The following INTS3 variants were observed in gnomAD, a reference collection of about 807,000 sequenced individuals.
The protein encoded by INTS3 is SOSS complex subunit A.
A neutral mutation model predicts 146.3 loss-of-function variants in INTS3; 34 were observed. The ratio of observed to expected loss-of-function variants is 0.23; its 90% CI spans 0.18 to 0.31. The LOEUF (loss-of-function observed/expected upper bound fraction) is 0.31, where lower values mean the gene tolerates loss of function less well. INTS3 is among the 10% of genes least tolerant of loss of function. The pLI is 1.00. For missense variants in INTS3, 757 were observed against 1,304.2 expected, an observed-to-expected ratio of 0.58 and a Z score of 6.46; for synonymous variants, 475 against 494.9, an observed-to-expected ratio of 0.96 and a Z score of 0.53.
At chr1:153,760,263 G>GAGAGAGACT (rs763647694) in intron 11 of INTS3, 48 bp from the exon 12 acceptor site, 1 of 777,610 alleles carries the variant, frequency 1.3e-6, no homozygotes. Context: ...AAAAAAGAGA[G>GAGAGAGACT]AGAGAGACTG....
At chr1:153,760,954 C>T (rs963347031) in intron 13 of INTS3, 36 bp downstream of exon 13, 143 of 1,595,874 alleles carry the variant, frequency 9.0e-5, no homozygotes, top group Non-Finnish European at 1.2e-4. Context: ...GTTGTTTTCC[C>T]ATTTTTCATT....
chr1:153,743,811 T>G (rs1215025262), intron 3 of INTS3, among the ~76,000 whole-genome samples: 2 of 152,088 alleles, frequency 1.3e-5, no homozygotes, highest in Non-Finnish European at 2.9e-5. Context: ...GGGTCTAATG[T>G]CAAGGTCTGT....
intron 8 of INTS3, among the ~76,000 whole-genome samples, chr1:153,754,125 G>A (rs927277294): frequency 4.6e-5 from 7 of 152,026 alleles, no homozygotes; most frequent in African/African-American, 1.7e-4. Flanking sequence ...GTTCTCTCAT[G>A]TCAGGCAGGT....
chr1:153,770,616 A>G, intron 24 of INTS3, 69 bp from the exon 25 acceptor site: 1 of 1,321,580 alleles, frequency 7.6e-7, no homozygotes, highest in South Asian at 1.2e-5. Context: ...TTGGGGGATG[A>G]GAGAGGTCCC....
intron 11 of INTS3, 43 bp downstream of exon 11, chr1:153,759,656 A>AAG (rs775259872): frequency 5.6e-6 from 7 of 1,248,520 alleles, no homozygotes; most frequent in Non-Finnish European, 8.3e-6. Context: ...CCATCCCCCT[A>AAG]AGCCCCCACT....
At position 153,754,665 on chromosome 1, in the gene INTS3, A is replaced by G; in HGVS notation, c.883A>G (p.Arg295Gly). 1 of 1,612,848 alleles carries G rather than the reference A, an allele frequency of 6.2e-7. No individual in the cohort carries two copies. Among genetic ancestry groups the G allele is most frequent in the Non-Finnish European group, 8.5e-7 (1 of 1,178,804 alleles). ...FTGILQLLQS[R>G]TSRKFLACRL... ...AGGTATCCTACAGCTTCTTCAGTCA[A>G]GAACATCCCGAAAATTCCTAGCATG... The change falls in exon 9 of 30, where the codon AGA (arginine) becomes GGA (glycine). Residue 295 changes from arginine (R) to glycine (G), a missense_variant. This residue lies in a region of INTS3 where 134 missense variants were observed against 243.1 expected (regional missense o/e 0.55). Coordinates refer to ENST00000318967, the MANE Select transcript of INTS3 (RefSeq NM_023015.5).
rs1672094440 is a variant in INTS3 at position 153,754,636 on chromosome 1, A to T, written c.860-6A>T. 1 of 1,591,220 alleles carries T rather than the reference A, an allele frequency of 6.3e-7. No individual in the cohort carries two copies. The highest frequency in any genetic ancestry group is 1.7e-5 in the Admixed American group (1 of 59,952). On this transcript the variant is annotated splice_polypyrimidine_tract_variant and splice_region_variant and intron_variant, in intron 8 of 29. Coordinates refer to ENST00000318967, the MANE Select transcript of INTS3 (RefSeq NM_023015.5). ...TCTTTTCTCTTCCCTTCCACATTTG[A>T]TTCAGGTATCCTACAGCTTCTTCAG...
At position 153,772,654 on chromosome 1, in the gene INTS3, C is replaced by T; in HGVS notation, c.2837C>T (p.Pro946Leu). ...CTTCCTCTAGTTTTTAGCCAGACGC[C>T]AATTCTCCAGGCGCTGCAGCATGTC... is the stretch of plus-strand genomic sequence containing the variant. ...NTKQNFFSQTPILQALQHVQA... is the reference protein window; with the variant it reads ...NTKQNFFSQTLILQALQHVQA... Residue 946 changes from proline (P) to leucine (L), a missense_variant, in exon 28 of 30, where the codon CCA becomes CTA. Physicochemically the swap from Pro to Leu is moderately conservative, Grantham distance 98. Around this residue, in one of 8 missense-constraint regions of INTS3, gnomAD observed 125 missense variants for 165.6 expected, o/e 0.75. Transcript: ENST00000318967. The surrounding 1 kb of genome is among the most constrained non-coding windows in gnomAD (Gnocchi z 4.6). 6.2e-7 allele frequency: 1 copy of T among 1,614,178 alleles called. No individual in the cohort carries two copies. Among genetic ancestry groups the T allele is most frequent in the Non-Finnish European group, 8.5e-7 (1 of 1,180,032 alleles).
Position 153,773,814 on chromosome 1 carries a change from G to T in INTS3, c.*544G>T, listed in dbSNP as rs1423931938. On this transcript the variant is annotated 3_prime_UTR_variant, in exon 30 of 30. Transcript: ENST00000318967. Reference sequence around the variant, plus strand: ...CAGGGTGTCCATTCCTAATCATGGGGCAGATGCCACAAGCATTCAGAAAGG... The same window carrying T: ...CAGGGTGTCCATTCCTAATCATGGGTCAGATGCCACAAGCATTCAGAAAGG... 1.2e-5 allele frequency: 2 copies of T among 172,576 alleles called. No individual in the cohort carries two copies. The highest frequency in any genetic ancestry group is 4.8e-5 in the African/African-American group (2 of 41,484). 10.7% of individuals were successfully genotyped at this position (172,576 alleles called of 1,614,324 possible). A position where few individuals can be genotyped will look rare whatever the true frequency, so the allele number is the denominator to read the frequency against.
At chr1:153,742,132 G>A (rs905329790) in intron 3 of INTS3, among the ~76,000 whole-genome samples, 3 of 152,300 alleles carry the variant, frequency 2.0e-5, no homozygotes, top group African/African-American at 7.2e-5. Flanking sequence ...TCAAGGGAAG[G>A]ATTTATGGGC....
chr1:153,758,519 C>G (rs1051641389), intron 10 of INTS3, among the ~76,000 whole-genome samples: 1 of 152,164 alleles, frequency 6.6e-6, no homozygotes, highest in Non-Finnish European at 1.5e-5. Context: ...TATCAAGAAC[C>G]CAGGCCTGCC....
chr1:153,756,472 C>T (rs1211911257), intron 9 of INTS3, among the ~76,000 whole-genome samples: 1 of 151,470 alleles, frequency 6.6e-6, no homozygotes, highest in African/African-American at 2.4e-5. Context: ...AGTTAGAGAC[C>T]AGCCTGGGCT....
chr1:153,740,512 C>T (rs1671487653), intron 1 of INTS3, 139 bp from the exon 2 acceptor site: 11 of 659,308 alleles, frequency 1.7e-5, no homozygotes, highest in South Asian at 7.0e-5. Flanking sequence ...TGGTTTTATC[C>T]TCATGGTGAC....
rs769960801 is a variant in INTS3 at position 153,751,076 on chromosome 1, G to A, written c.585-19G>A. ...AGTTCTAGACAGAGCATAGGAGCCA[G>A]TGTGTTTCCTCCCTGCAGGGAGTGG... On this transcript the variant is annotated intron_variant, in intron 6 of 29. Coordinates refer to ENST00000318967, the MANE Select transcript of INTS3 (RefSeq NM_023015.5). 2 of 1,613,512 alleles carry A rather than the reference G, an allele frequency of 1.2e-6. No individual in the cohort carries two copies. The highest frequency in any genetic ancestry group is 1.7e-6 in the Non-Finnish European group (2 of 1,179,612).
At chr1:153,731,251 A>G (rs1278499357) in intron 1 of INTS3, among the ~76,000 whole-genome samples, 1 of 152,178 alleles carries the variant, frequency 6.6e-6, no homozygotes, top group African/African-American at 2.4e-5. Flanking sequence ...ATTGGGTGTG[A>G]TTAGGAAAGA....
In INTS3 at chr1:153,762,718, T is replaced by C. The variant is rs757592820; in HGVS notation, c.1517-10T>C. On this transcript the variant is annotated splice_polypyrimidine_tract_variant and intron_variant, in intron 14 of 29. Coordinates refer to ENST00000318967, the MANE Select transcript of INTS3 (RefSeq NM_023015.5). ...GGCCATTAAATGCCTTATCTTTTTT[T>C]ACTCCCAAGTCAAAATTGAGGAGCC... The C allele has an allele frequency of 2.5e-6, 4 of 1,614,162 alleles. No individual in the cohort carries two copies. The highest frequency in any genetic ancestry group is 3.4e-6 in the Non-Finnish European group (4 of 1,179,992).
At chr1:153,762,561 G>A (rs1672423123) in intron 14 of INTS3, among the ~76,000 whole-genome samples, 167 bp from the exon 15 acceptor site, 1 of 152,204 alleles carries the variant, frequency 6.6e-6, no homozygotes, top group African/African-American at 2.4e-5. Context: ...GGAGGGTTGT[G>A]AGGACAAGAG....
chr1:153,770,587 T>A (rs908774839), intron 24 of INTS3, 98 bp from the exon 25 acceptor site: 1 of 1,023,022 alleles, frequency 9.8e-7, no homozygotes, highest in African/African-American at 1.6e-5. Flanking sequence ...AAGACTGTCC[T>A]TATTCCCTCC....
In INTS3 at chr1:153,728,414, C is replaced by A; in HGVS notation, c.-221C>A. 1.9e-6 allele frequency: 1 copy of A among 525,624 alleles called. No individual in the cohort carries two copies. The highest frequency in any genetic ancestry group is 3.3e-6 in the Non-Finnish European group (1 of 301,638). The allele number at this position is 525,624 out of a possible 1,614,324, so 32.6% of individuals were successfully genotyped here. ...TTCGGAGCCAACGCCTTTCCCTCAG[C>A]ACTGCCACCCCAGAGTCAGGACCCA... On this transcript the variant is annotated 5_prime_UTR_variant, in exon 1 of 30. Transcript: ENST00000318967.
Sources: gnomAD v4.1 joint callset for allele counts (sites outside exome capture counted in the v4.1 genomes callset) on GRCh38, gnomAD v4.1.1 for gene constraint, gnomAD v4.1.1 regional missense constraint, Gnocchi (gnomAD v3.1) non-coding constraint, MANE v1.5 for transcripts, NCBI Gene and HGNC (gene_info 2026-07-23, HGNC 2026-07-21) for gene names.